Variants in PRKCB observed in about 807,000 individuals in gnomAD.
PRKCB encodes the protein protein kinase C beta, also known as protein kinase C beta type.
In PRKCB, 13 loss-of-function variants were observed where a neutral mutation model predicts 81.5. The observed-to-expected ratio is 0.16, with a 90% CI of 0.10 to 0.25. The LOEUF is 0.25. Among genes scored for constraint, PRKCB ranks in the 10% least tolerant of loss-of-function variants. The probability of loss-of-function intolerance (pLI) is 1.00; values close to 1 mark genes in which losing one functional copy is unlikely to be tolerated. For missense variants in PRKCB, 509 were observed against 875.7 expected (o/e 0.58, Z 5.29); for synonymous variants, 335 against 321.4 (o/e 1.04, Z -0.45).
intron 2 of PRKCB, among the ~76,000 whole-genome samples, chr16:23,970,759 C>T (rs890387113): frequency 6.6e-6 from 1 of 152,220 alleles, no homozygotes; most frequent in Admixed American, 6.5e-5. Flanking sequence ...GAACCCCTGT[C>T]TTGTGTTAAA....
intron 2 of PRKCB, among the ~76,000 whole-genome samples, chr16:23,933,328 C>T (rs1033612816): frequency 6.6e-6 from 1 of 152,186 alleles, no homozygotes; most frequent in Non-Finnish European, 1.5e-5. Context: ...CACTGTCATT[C>T]TTGAGACACT....
At chr16:24,041,444 C>G (rs1387550056) in intron 5 of PRKCB, among the ~76,000 whole-genome samples, 4 of 152,144 alleles carry the variant, frequency 2.6e-5, no homozygotes, top group Non-Finnish European at 5.9e-5. Flanking sequence ...TACATTACAG[C>G]CACCTCCAAA....
intron 9 of PRKCB, among the ~76,000 whole-genome samples, chr16:24,151,314 T>G (rs1159796259): frequency 6.6e-6 from 1 of 152,256 alleles, no homozygotes; most frequent in African/African-American, 2.4e-5. Context: ...TTGCTTTTAT[T>G]TATTTTTATG....
At chr16:23,905,813 G>A (rs1366156704) in intron 2 of PRKCB, among the ~76,000 whole-genome samples, 1 of 152,138 alleles carries the variant, frequency 6.6e-6, no homozygotes, top group African/African-American at 2.4e-5. Context: ...CTTCACATAA[G>A]TGGAAATATA....
intron 3 of PRKCB, among the ~76,000 whole-genome samples, chr16:24,004,345 A>G (rs1014366203): frequency 3.3e-5 from 5 of 152,092 alleles, no homozygotes; most frequent in Admixed American, 6.5e-5. Flanking sequence ...AAAATGAAAC[A>G]TGGTCTTAAT....
At chr16:23,938,768 G>A (rs984113437) in intron 2 of PRKCB, among the ~76,000 whole-genome samples, 2 of 152,050 alleles carry the variant, frequency 1.3e-5, no homozygotes, top group Admixed American at 6.6e-5. Context: ...AATAACAAAG[G>A]TTATAAAAAA....
At chr16:24,115,471 G>T (rs989577447) in intron 8 of PRKCB, among the ~76,000 whole-genome samples, 12 of 132,614 alleles carry the variant, frequency 9.0e-5, no homozygotes, top group Middle Eastern at 4.9e-3. Context: ...CCAAGGACTT[G>T]AGCATTTATC....
intron 9 of PRKCB, 46 bp from the exon 10 acceptor site, chr16:24,154,638 C>G: frequency 6.2e-7 from 1 of 1,602,274 alleles, no homozygotes; most frequent in Non-Finnish European, 8.5e-7. Context: ...ATAACTGGCC[C>G]CCAGACTCCT....
chr16:23,852,312 T>G (rs1294002409), intron 2 of PRKCB, among the ~76,000 whole-genome samples: 1 of 152,230 alleles, frequency 6.6e-6, no homozygotes, highest in African/African-American at 2.4e-5. Flanking sequence ...CTGAGTACTT[T>G]TTTCATGAAA....
chr16:23,922,024 A>G (rs1963832874), intron 2 of PRKCB, among the ~76,000 whole-genome samples: 1 of 152,172 alleles, frequency 6.6e-6, no homozygotes, highest in Non-Finnish European at 1.5e-5. Flanking sequence ...ATGGAAGTTC[A>G]TGGGTAATTA....
intron 10 of PRKCB, among the ~76,000 whole-genome samples, chr16:24,157,588 T>C (rs2141955741): frequency 6.9e-6 from 1 of 144,164 alleles, no homozygotes; most frequent in African/African-American, 2.6e-5. Context: ...TTATAAATTA[T>C]CCCATCTCAG....
chr16:24,087,188 C>T (rs984710971), intron 5 of PRKCB, among the ~76,000 whole-genome samples: 3 of 152,130 alleles, frequency 2.0e-5, no homozygotes, highest in African/African-American at 4.8e-5. Context: ...CAACATTGAC[C>T]CAATGCTATT....
chr16:24,021,324 TTCC>T (rs1965395225), intron 3 of PRKCB, among the ~76,000 whole-genome samples: 1 of 58,434 alleles, frequency 1.7e-5, no homozygotes, highest in Non-Finnish European at 3.1e-5. Context: ...CCTTCCTTCC[TTCC>T]TTCCTTCCTT....
chr16:23,923,459 A>G (rs992957705), intron 2 of PRKCB, among the ~76,000 whole-genome samples: 1 of 152,078 alleles, frequency 6.6e-6, no homozygotes, highest in Non-Finnish European at 1.5e-5. Context: ...TGAAAAAGCA[A>G]TGTGCTGATT....
At chr16:23,902,027 G>A (rs1402585917) in intron 2 of PRKCB, among the ~76,000 whole-genome samples, 1 of 152,074 alleles carries the variant, frequency 6.6e-6, no homozygotes, top group African/African-American at 2.4e-5. Flanking sequence ...GATGGCAGTT[G>A]TAGGTCTGGG....
rs572127120 is a variant in PRKCB, at chr16:23,848,494, A to G, written c.205+11088A>G. 3.9e-5 allele frequency among the ~76,000 whole-genome samples: 6 copies of G among 152,302 alleles called. No homozygotes were observed. In the East Asian group the frequency reaches 1.2e-3, roughly 29 times the overall value. On this transcript the variant is annotated intron_variant, in intron 2 of 16. Coordinates refer to ENST00000643927, the MANE Select transcript of PRKCB (RefSeq NM_002738.7). Reference sequence around the variant, plus strand: ...TGATTGTTCTATTTTGAGGGTGGTTACTAGTTATTTTTATGGTTCTAACAA... The same window carrying G: ...TGATTGTTCTATTTTGAGGGTGGTTGCTAGTTATTTTTATGGTTCTAACAA...
chr16:23,849,036 A>G (rs971718375), intron 2 of PRKCB, among the ~76,000 whole-genome samples: 4 of 152,310 alleles, frequency 2.6e-5, no homozygotes, highest in African/African-American at 4.8e-5. Flanking sequence ...GATCTTAGAG[A>G]GAAATGCTTG....
Position 23,850,134 on chromosome 16 carries a change from C to T in PRKCB, c.205+12728C>T, listed in dbSNP as rs117397755. Among the ~76,000 whole-genome samples, 9 of 152,252 alleles carry T rather than the reference C, an allele frequency of 5.9e-5. No homozygotes were observed. The East Asian group carries it at 1.7e-3, about 29-fold the overall frequency. On this transcript the variant is annotated intron_variant, in intron 2 of 16. Transcript: ENST00000643927. Reference sequence around the variant, plus strand: ...TCCTCCAGATTCATGTATATTGTCACAAATGATATAATTTCTCTCTTTTTT... The same window carrying T: ...TCCTCCAGATTCATGTATATTGTCATAAATGATATAATTTCTCTCTTTTTT...
chr16:24,154,952 C>T, intron 10 of PRKCB, 95 bp downstream of exon 10: 1 of 1,364,922 alleles, frequency 7.3e-7, no homozygotes, highest in Admixed American at 2.3e-5. Context: ...GAGATACCTG[C>T]ACCCTTCCCT....
Sources: gnomAD v4.1 joint callset for allele counts (sites outside exome capture counted in the v4.1 genomes callset) on GRCh38, gnomAD v4.1.1 for gene constraint, MANE v1.5 for transcripts, NCBI Gene and HGNC (gene_info 2026-07-23, HGNC 2026-07-21) for gene names.